Variants in CTIF observed in about 807,000 individuals in gnomAD.
CTIF encodes the protein CBP80/20-dependent translation initiation factor.
Under a neutral mutation model 66.0 loss-of-function variants are expected in CTIF, and 21 were observed. That is an observed-to-expected ratio of 0.32 (90% CI 0.23 to 0.46). The LOEUF (loss-of-function observed/expected upper bound fraction) is 0.46. CTIF is among the 20% of genes least tolerant of loss of function. The probability of loss-of-function intolerance (pLI) is 1.00; values close to 1 mark genes in which losing one functional copy is unlikely to be tolerated. For missense variants in CTIF, 739 were observed against 812.7 expected (o/e 0.91, Z 1.10); for synonymous variants, 345 against 326.4 (o/e 1.06, Z -0.62).
At chr18:48,786,612 G>A (rs1258572307) in intron 9 of CTIF, among the ~76,000 whole-genome samples, 1 of 152,218 alleles carries the variant, frequency 6.6e-6, no homozygotes, top group East Asian at 1.9e-4. Flanking sequence ...CTGTGAACGT[G>A]CAGTTCATTG....
At chr18:48,707,992 T>G (rs960280782) in intron 6 of CTIF, among the ~76,000 whole-genome samples, 2 of 152,254 alleles carry the variant, frequency 1.3e-5, no homozygotes, top group South Asian at 2.1e-4. Context: ...GTAACTAGCT[T>G]CTTTCCCTGA....
chr18:48,760,155 C>T (rs1369280864), intron 8 of CTIF: 1 of 151,874 alleles, frequency 6.6e-6, no homozygotes, highest in Admixed American at 6.6e-5. Flanking sequence ...ACTAGGCCAC[C>T]CTATTCCTTC....
intron 9 of CTIF, among the ~76,000 whole-genome samples, chr18:48,789,172 C>A (rs1485507362): frequency 1.3e-5 from 2 of 152,146 alleles, no homozygotes; most frequent in Non-Finnish European, 1.5e-5. Context: ...CACAGAGAAG[C>A]CTCAAATCAT....
chr18:48,761,663 C>T lies in CTIF; in HGVS notation c.1345C>T (p.Arg449Trp). ...CTTTATGGTGGAGGGGACCAAGTTC[C>T]GGAGCCTGCTCCTCAACATGCTGCA... ...ALFMVEGTKF[R>W]SLLLNMLQKD... is the part of the protein sequence containing the mutation. The change falls in exon 9 of 12, where the codon CGG becomes TGG. Residue 449 changes from arginine to tryptophan, a missense_variant. Transcript: ENST00000256413. The surrounding 1 kb of genome is among the most constrained non-coding windows in gnomAD (Gnocchi z 4.2). The T allele has an allele frequency of 6.2e-7, 1 of 1,611,686 alleles. No individual in the cohort carries two copies. The highest frequency in any genetic ancestry group is 1.1e-5 in the South Asian group (1 of 91,052).
intron 9 of CTIF, among the ~76,000 whole-genome samples, chr18:48,771,540 C>G (rs1316758205): frequency 6.6e-6 from 1 of 152,220 alleles, no homozygotes; most frequent in East Asian, 1.9e-4. Context: ...TGTCCCCTTC[C>G]CTGCATGCCC....
At position 48,626,417 on chromosome 18, in the gene CTIF, G is replaced by A. The variant is rs903481526; in HGVS notation, c.180+6672G>A. 3.6e-4 allele frequency among the ~76,000 whole-genome samples: 54 copies of A among 150,960 alleles called. 1 individual carries two copies. The highest frequency in any genetic ancestry group is 4.2e-4 in the African/African-American group (17 of 40,946). On this transcript the variant is annotated intron_variant, in intron 2 of 11. Transcript: ENST00000256413. Reference sequence around the variant, plus strand: ...GGCTAGATTGCCATGGCATGCTCTCGGCTCACTGCAACCTCTGCCTCCCAG... The same window carrying A: ...GGCTAGATTGCCATGGCATGCTCTCAGCTCACTGCAACCTCTGCCTCCCAG...
At chr18:48,646,802 G>A (rs114120872) in intron 3 of CTIF, among the ~76,000 whole-genome samples, 2,931 of 147,494 alleles carry the variant, frequency 0.02, 37 homozygotes, top group African/African-American at 0.031. Flanking sequence ...AAATGACAGC[G>A]TCCAATGCTG....
Position 48,792,698 on chromosome 18 carries a change from G to A in CTIF, c.1372-24523G>A, listed in dbSNP as rs142069968. 3.9e-5 allele frequency among the ~76,000 whole-genome samples: 6 copies of A among 152,298 alleles called. No individual in the cohort carries two copies. In the East Asian group the frequency reaches 7.7e-4, roughly 20 times the overall value. ...GAGAGGATCCTCTGAAGGACTGGACGTAGGTGCAAAAGAATGTTGGGGTCA... is the reference window on the plus strand; with the variant it reads ...GAGAGGATCCTCTGAAGGACTGGACATAGGTGCAAAAGAATGTTGGGGTCA... On this transcript the variant is annotated intron_variant, in intron 9 of 11. Transcript: ENST00000256413.
At chr18:48,603,790 C>T (rs910851058) in intron 1 of CTIF, among the ~76,000 whole-genome samples, 1 of 151,984 alleles carries the variant, frequency 6.6e-6, no homozygotes, top group African/African-American at 2.4e-5. Context: ...GCAACAGATA[C>T]CCTTCCAGGA....
At chr18:48,594,226 C>G (rs541792670) in intron 1 of CTIF, among the ~76,000 whole-genome samples, 7 of 152,294 alleles carry the variant, frequency 4.6e-5, no homozygotes, top group Non-Finnish European at 8.8e-5. Context: ...TGCGGATGCA[C>G]GGGGTCCCAC....
intron 3 of CTIF, among the ~76,000 whole-genome samples, chr18:48,644,108 C>T (rs1243893881): frequency 2.0e-5 from 3 of 152,174 alleles, no homozygotes; most frequent in South Asian, 2.1e-4. Context: ...CCTCAGCAGC[C>T]GAGCACGGCA....
Position 48,751,922 on chromosome 18 carries a change from A to G in CTIF, c.585-5997A>G, listed in dbSNP as rs1000997470. Among the ~76,000 whole-genome samples the G allele has an allele frequency of 2.7e-5, 4 of 150,626 alleles. No homozygotes were observed. The Admixed American group carries it at 2.7e-4, about 10-fold the overall frequency. ...TTAATTAATGAAACAATAATGAACCAGCCTTTCTCTGCATCATTTATTATT... is the reference window on the plus strand; with the variant it reads ...TTAATTAATGAAACAATAATGAACCGGCCTTTCTCTGCATCATTTATTATT... On this transcript the variant is annotated intron_variant, in intron 7 of 11. Transcript: ENST00000256413.
chr18:48,622,905 A>G (rs2090522263), intron 2 of CTIF, among the ~76,000 whole-genome samples: 1 of 152,180 alleles, frequency 6.6e-6, no homozygotes, highest in Non-Finnish European at 1.5e-5. Flanking sequence ...GCATCCTCCA[A>G]AGGTTCCTCC....
At position 48,795,610 on chromosome 18, in the gene CTIF, A is replaced by G. The variant is rs142270579; in HGVS notation, c.1372-21611A>G. Among the ~76,000 whole-genome samples the G allele has an allele frequency of 7.2e-5, 11 of 152,290 alleles. No homozygotes were observed. The East Asian group carries it at 2.1e-3, about 29-fold the overall frequency. On this transcript the variant is annotated intron_variant, in intron 9 of 11. Coordinates refer to ENST00000256413, the MANE Select transcript of CTIF (RefSeq NM_014772.3). ...CACCTGCATCCCCAGGCTCTTTCAG[A>G]TGGGTAGTCCTATTTTCCCAGGAGC...
intron 9 of CTIF, among the ~76,000 whole-genome samples, chr18:48,779,645 G>A (rs1568212682): frequency 2.0e-5 from 3 of 152,196 alleles, no homozygotes; most frequent in Admixed American, 2.0e-4. Flanking sequence ...ACAGCTTCCC[G>A]GCCAGCGCTT....
intron 1 of CTIF, among the ~76,000 whole-genome samples, chr18:48,603,382 G>T (rs1262234017): frequency 6.7e-6 from 1 of 149,798 alleles, no homozygotes; most frequent in African/African-American, 2.5e-5. Context: ...TGGATGGATG[G>T]ATGGATGGAT....
intron 9 of CTIF, among the ~76,000 whole-genome samples, chr18:48,808,306 A>G (rs1280601113): frequency 1.3e-5 from 2 of 152,162 alleles, no homozygotes; most frequent in African/African-American, 4.8e-5. Context: ...CCATTTGTTC[A>G]TGAGGGATTT....
chr18:48,567,698 T>C (rs566373223), intron 1 of CTIF: 20 of 152,260 alleles, frequency 1.3e-4, no homozygotes, highest in African/African-American at 4.6e-4. Context: ...AGGGAGTTAG[T>C]AACAGGGGAG....
At chr18:48,787,507 C>G (rs1261754717) in intron 9 of CTIF, among the ~76,000 whole-genome samples, 1 of 152,316 alleles carries the variant, frequency 6.6e-6, no homozygotes, top group Middle Eastern at 3.4e-3. Context: ...CAGCCCAACT[C>G]TAGGCCTCAG....
Sources: allele counts gnomAD v4.1 joint callset (sites outside exome capture counted in the v4.1 genomes callset), GRCh38; gene constraint gnomAD v4.1.1; non-coding constraint Gnocchi (gnomAD v3.1); transcripts MANE v1.5; gene names NCBI Gene and HGNC (gene_info 2026-07-23, HGNC 2026-07-21).